Variants in GALNT17 observed in about 807,000 individuals in gnomAD.
GALNT17 encodes the protein UDP-GalNAc:polypeptide N-acetylgalactosaminyltransferase-like 3.
Under a neutral mutation model 63.7 loss-of-function variants are expected in GALNT17, and 29 were observed. The ratio of observed to expected loss-of-function variants is 0.46; its 90% CI spans 0.34 to 0.62. The LOEUF (loss-of-function observed/expected upper bound fraction) is 0.62. Ranked by LOEUF, GALNT17 falls within the 20% of genes least tolerant of loss-of-function variation. The pLI is 0.01. For missense variants in GALNT17, 603 were observed against 799.6 expected, an observed-to-expected ratio of 0.75 and a Z score of 2.97; for synonymous variants, 305 against 318.3, an observed-to-expected ratio of 0.96 and a Z score of 0.45.
At chr7:71,163,910 G>A (rs1454887153) in intron 1 of GALNT17, among the ~76,000 whole-genome samples, 10 of 152,210 alleles carry the variant, frequency 6.6e-5, no homozygotes, top group African/African-American at 1.9e-4. Context: ...ATCCATTACT[G>A]CTATTACCTT....
intron 9 of GALNT17, among the ~76,000 whole-genome samples, chr7:71,701,076 A>G (rs1039507954): frequency 1.3e-5 from 2 of 152,228 alleles, no homozygotes; most frequent in African/African-American, 4.8e-5. Context: ...TAAGGAAAAT[A>G]GATGGTTTAA....
chr7:71,587,318 G>A (rs560527937), intron 6 of GALNT17, among the ~76,000 whole-genome samples: 3 of 152,228 alleles, frequency 2.0e-5, no homozygotes, highest in Non-Finnish European at 4.4e-5. Flanking sequence ...GTGAGCCACC[G>A]CACCCAGCCA....
rs566378843 is a variant in GALNT17 at position 71,247,099 on chromosome 7, T to G, written c.239-88451T>G. On this transcript the variant is annotated intron_variant, in intron 1 of 10. Transcript: ENST00000333538. The stretch of plus-strand genomic sequence containing the variant: ...CTATTACTGCTTTTCCTCTGCTGGG[T>G]TTGTGTTTGGTTTGTTCTTATTTCT... Among the ~76,000 whole-genome samples, 68 of 152,122 alleles carry G rather than the reference T, an allele frequency of 4.5e-4. No homozygotes were observed. The Middle Eastern group carries it at 0.014, about 30-fold the overall frequency.
chr7:71,195,835 C>G (rs1306425886), intron 1 of GALNT17, among the ~76,000 whole-genome samples: 1 of 152,144 alleles, frequency 6.6e-6, no homozygotes, highest in Non-Finnish European at 1.5e-5. Context: ...AGGCACCCAG[C>G]CGAGCCTATC....
At chr7:71,681,824 A>G (rs1291117639) in intron 9 of GALNT17, among the ~76,000 whole-genome samples, 2 of 152,218 alleles carry the variant, frequency 1.3e-5, no homozygotes, top group Admixed American at 6.6e-5. Flanking sequence ...CAAAGTAAAG[A>G]TGGTCTGATC....
intron 1 of GALNT17, among the ~76,000 whole-genome samples, chr7:71,209,497 A>T (rs1438982911): frequency 1.3e-5 from 2 of 151,952 alleles, no homozygotes; most frequent in African/African-American, 4.8e-5. Flanking sequence ...ATGACACTTT[A>T]TTTTTTATTT....
At chr7:71,153,519 A>G (rs1331472393) in intron 1 of GALNT17, among the ~76,000 whole-genome samples, 1 of 152,166 alleles carries the variant, frequency 6.6e-6, no homozygotes, top group African/African-American at 2.4e-5. Flanking sequence ...TTTTCATGTA[A>G]ACAGTGGCTG....
intron 6 of GALNT17, among the ~76,000 whole-genome samples, chr7:71,655,284 A>G (rs544930848): frequency 6.9e-4 from 105 of 152,240 alleles, no homozygotes; most frequent in African/African-American, 2.5e-3. Context: ...AAAAGATTCA[A>G]AAAACTTTCT....
intron 1 of GALNT17, among the ~76,000 whole-genome samples, chr7:71,162,503 T>G (rs1370505191): frequency 6.6e-6 from 1 of 152,072 alleles, no homozygotes; most frequent in Admixed American, 6.6e-5. Flanking sequence ...TGTGAGCTCC[T>G]TGCTCAACAA....
At chr7:71,560,087 G>A (rs994514017) in intron 5 of GALNT17, among the ~76,000 whole-genome samples, 4 of 150,458 alleles carry the variant, frequency 2.7e-5, no homozygotes. Flanking sequence ...CCAGCTACTC[G>A]GGAGGCTGAG....
intron 6 of GALNT17, among the ~76,000 whole-genome samples, chr7:71,659,739 A>G (rs1790878429): frequency 6.6e-6 from 1 of 152,216 alleles, no homozygotes; most frequent in African/African-American, 2.4e-5. Flanking sequence ...GCCAAGGAGC[A>G]TGGGTGGAAT....
chr7:71,310,120 A>G (rs529057382), intron 1 of GALNT17, among the ~76,000 whole-genome samples: 1 of 152,304 alleles, frequency 6.6e-6, no homozygotes, highest in Non-Finnish European at 1.5e-5. Context: ...AGGCCTCCCT[A>G]GCCATGTGGA....
intron 1 of GALNT17, among the ~76,000 whole-genome samples, chr7:71,273,419 A>T (rs1790628192): frequency 1.3e-5 from 2 of 152,246 alleles, no homozygotes; most frequent in South Asian, 4.1e-4. Context: ...GAAGATAATG[A>T]AATATCGGCT....
intron 6 of GALNT17, among the ~76,000 whole-genome samples, chr7:71,606,545 CAT>C (rs1040014682): frequency 5.3e-5 from 8 of 152,178 alleles, no homozygotes; most frequent in Admixed American, 5.2e-4. Flanking sequence ...TCCATCTTCA[CAT>C]ATGTCAAGGT....
intron 2 of GALNT17, among the ~76,000 whole-genome samples, chr7:71,361,499 A>G (rs544864035): frequency 1.3e-5 from 2 of 152,194 alleles, no homozygotes; most frequent in East Asian, 3.9e-4. Context: ...CAGTTCAACA[A>G]ATACCTATTG....
chr7:71,157,856 A>G (rs1788266473), intron 1 of GALNT17, among the ~76,000 whole-genome samples: 1 of 151,706 alleles, frequency 6.6e-6, no homozygotes. Flanking sequence ...TAACTCCCAA[A>G]TATGAGTGAG....
chr7:71,409,608 G>A (rs1793395164), intron 3 of GALNT17, among the ~76,000 whole-genome samples: 1 of 152,150 alleles, frequency 6.6e-6, no homozygotes, highest in Non-Finnish European at 1.5e-5. Flanking sequence ...TCCTGGACTG[G>A]GTGGCCACTT....
chr7:71,573,325 AATTT>A (rs1193909647), intron 6 of GALNT17, among the ~76,000 whole-genome samples: 4 of 144,610 alleles, frequency 2.8e-5, no homozygotes, highest in African/African-American at 2.6e-5. Context: ...TTAATTAATT[AATTT>A]ATTTATTTAT....
intron 1 of GALNT17, among the ~76,000 whole-genome samples, chr7:71,201,740 G>A (rs1314811615): frequency 5.3e-5 from 8 of 150,908 alleles, no homozygotes; most frequent in Non-Finnish European, 1.2e-4. Flanking sequence ...CAAGCAATTC[G>A]CCTCCCTCAC....
Sources: gnomAD v4.1 joint callset for allele counts (sites outside exome capture counted in the v4.1 genomes callset) on GRCh38, gnomAD v4.1.1 for gene constraint, MANE v1.5 for transcripts, NCBI Gene and HGNC (gene_info 2026-07-23, HGNC 2026-07-21) for gene names.